The following NCOA7 variants were observed in gnomAD, a reference collection of about 807,000 sequenced individuals.
NCOA7 encodes the protein nuclear receptor coactivator 7, also known as 140 kDa estrogen receptor-associated protein.
In NCOA7, 45 loss-of-function variants were observed where a neutral mutation model predicts 104.3. That is an observed-to-expected ratio of 0.43 (90% confidence interval 0.34 to 0.55). The LOEUF is 0.55. NCOA7 is among the 20% of genes least tolerant of loss of function. The pLI is 0.02. For missense variants in NCOA7, 1,041 were observed against 1,119.7 expected, an observed-to-expected ratio of 0.93 and a Z score of 1.00; for synonymous variants, 398 against 402.3, an observed-to-expected ratio of 0.99 and a Z score of 0.13.
intron 2 of NCOA7, among the ~76,000 whole-genome samples, chr6:125,823,036 GTTGACTTT>G (rs1271310170): frequency 6.6e-6 from 1 of 151,688 alleles, no homozygotes; most frequent in Non-Finnish European, 1.5e-5. Flanking sequence ...GAATGTTACA[GTTGACTTT>G]ACCAGAAACA....
chr6:125,882,542 C>G lies in NCOA7; in HGVS notation c.690C>G (p.Thr230=). 1 of 1,612,606 alleles carries G rather than the reference C, an allele frequency of 6.2e-7. No individual in the cohort carries two copies. Among genetic ancestry groups the G allele is most frequent in the African/African-American group, 1.3e-5 (1 of 75,010 alleles). ...TAAAAATGAATTGTCGATACTTCAC[C>G]GATGGAAAGGTATATAGCAATGTAA... The part of the protein sequence containing the change: ...KFLKMNCRYF[T]DGKGVVGGVM... Residue 230 remains threonine, a synonymous_variant, in exon 7 of 16, where the codon ACC becomes ACG. Transcript: ENST00000392477.
At chr6:125,875,263 C>T (rs2128640296) in intron 4 of NCOA7, 1 of 279,350 alleles carries the variant, frequency 3.6e-6, no homozygotes, top group Middle Eastern at 1.2e-3. Flanking sequence ...TCCCTTTCTT[C>T]CCCCACCACT....
intron 5 of NCOA7, among the ~76,000 whole-genome samples, chr6:125,880,279 T>C (rs1256165809): frequency 6.6e-6 from 1 of 152,000 alleles, no homozygotes; most frequent in Non-Finnish European, 1.5e-5. Flanking sequence ...CTGCTTGGAG[T>C]TAGCAAGCTG....
At chr6:125,819,817 A>AT (rs1427118832) in intron 2 of NCOA7, among the ~76,000 whole-genome samples, 3 of 152,124 alleles carry the variant, frequency 2.0e-5, no homozygotes, top group Non-Finnish European at 4.4e-5. Context: ...CTTGCTTGAC[A>AT]TTATTTGGCT....
chr6:125,874,291 C>T (rs1356660161), intron 3 of NCOA7, among the ~76,000 whole-genome samples: 1 of 152,222 alleles, frequency 6.6e-6, no homozygotes, highest in Non-Finnish European at 1.5e-5. Flanking sequence ...TGCCGCTGCA[C>T]TCCAGCCTGG....
intron 10 of NCOA7, among the ~76,000 whole-genome samples, chr6:125,893,846 C>T (rs557708196): frequency 4.3e-4 from 65 of 152,290 alleles, no homozygotes; most frequent in African/African-American, 1.5e-3. Context: ...TCTTCTTGCA[C>T]ACCTGTACAC....
chr6:125,883,774 C>T (rs1562975674), intron 7 of NCOA7, among the ~76,000 whole-genome samples: 1 of 138,286 alleles, frequency 7.2e-6, no homozygotes, highest in East Asian at 2.2e-4. Context: ...GGCTGGAGTG[C>T]AATGGTGCGA....
intron 12 of NCOA7, 111 bp downstream of exon 12, chr6:125,921,179 G>A (rs1456778618): frequency 4.3e-6 from 6 of 1,380,098 alleles, no homozygotes; most frequent in Non-Finnish European, 5.8e-6. Flanking sequence ...GGAGGCCAAG[G>A]CAGGCGGATC....
chr6:125,853,510 C>G (rs1233513634), intron 2 of NCOA7, among the ~76,000 whole-genome samples: 1 of 152,166 alleles, frequency 6.6e-6, no homozygotes, highest in African/African-American at 2.4e-5. Flanking sequence ...GACTTTTCCT[C>G]TGCTGCTCTG....
At chr6:125,804,730 G>A (rs1776267491) in intron 1 of NCOA7, among the ~76,000 whole-genome samples, 1 of 152,068 alleles carries the variant, frequency 6.6e-6, no homozygotes. Flanking sequence ...TATAATTTTA[G>A]TGCTTAGAAA....
chr6:125,811,027 G>A (rs1361941252), intron 1 of NCOA7, among the ~76,000 whole-genome samples: 1 of 152,078 alleles, frequency 6.6e-6, no homozygotes, highest in East Asian at 1.9e-4. Flanking sequence ...TTTCCAATTA[G>A]ATTGCTGTAA....
chr6:125,879,008 G>A (rs1415179187), intron 5 of NCOA7, among the ~76,000 whole-genome samples: 1 of 152,088 alleles, frequency 6.6e-6, no homozygotes, highest in African/African-American at 2.4e-5. Context: ...CGCAATCTAT[G>A]TTACCTAATA....
intron 2 of NCOA7, among the ~76,000 whole-genome samples, chr6:125,821,173 G>GTA (rs1456879958): frequency 1.3e-5 from 2 of 152,122 alleles, no homozygotes; most frequent in Non-Finnish European, 2.9e-5. Flanking sequence ...CCAGGGATGA[G>GTA]TAGAAGTATT....
intron 1 of NCOA7, among the ~76,000 whole-genome samples, chr6:125,805,639 A>C (rs1441311762): frequency 2.6e-5 from 4 of 152,240 alleles, no homozygotes; most frequent in African/African-American, 9.6e-5. Flanking sequence ...ATGCAGTCAT[A>C]AAGATTAAAC....
rs190512139 is a variant in NCOA7 at position 125,895,551 on chromosome 6, G to C, written c.2096+4741G>C. On this transcript the variant is annotated intron_variant, in intron 10 of 15. Coordinates refer to ENST00000392477, the MANE Select transcript of NCOA7 (RefSeq NM_181782.5). Reference sequence around the variant, plus strand: ...TCATGTGCTGCGTTAGGCCATTCTTGGGTTGCTATAAAGAAATACCTGTGA... The same window carrying C: ...TCATGTGCTGCGTTAGGCCATTCTTCGGTTGCTATAAAGAAATACCTGTGA... Among the ~76,000 whole-genome samples, 3 of 152,194 alleles carry C rather than the reference G, an allele frequency of 2.0e-5. No individual in the cohort carries two copies. In the East Asian group the frequency reaches 5.8e-4, roughly 29 times the overall value.
At chr6:125,789,542 A>G (rs1320026981), upstream of NCOA7, among the ~76,000 whole-genome samples, 1 of 152,142 alleles carries the variant, frequency 6.6e-6, no homozygotes, top group East Asian at 1.9e-4. Context: ...TAGGAACCTA[A>G]TTTTCCCTTA....
chr6:125,832,169 A>C (rs1482386038), intron 2 of NCOA7, among the ~76,000 whole-genome samples: 1 of 152,234 alleles, frequency 6.6e-6, no homozygotes, highest in Non-Finnish European at 1.5e-5. Flanking sequence ...AAAATAATTA[A>C]TCCAAATCTA....
intron 7 of NCOA7, 138 bp from the exon 8 acceptor site, chr6:125,885,021 A>G (rs1784142170): frequency 1.2e-6 from 1 of 836,826 alleles, no homozygotes; most frequent in Non-Finnish European, 1.9e-6. Flanking sequence ...GGTCCTCACA[A>G]AGGGGATGTA....
intron 2 of NCOA7, among the ~76,000 whole-genome samples, chr6:125,837,789 T>C (rs1779750968): frequency 6.6e-6 from 1 of 152,190 alleles, no homozygotes; most frequent in African/African-American, 2.4e-5. Context: ...TATTTTCTCA[T>C]CATTGCACTT....
Sources: allele counts gnomAD v4.1 joint callset (sites outside exome capture counted in the v4.1 genomes callset), GRCh38; gene constraint gnomAD v4.1.1; transcripts MANE v1.5; gene names NCBI Gene and HGNC (gene_info 2026-07-23, HGNC 2026-07-21).